The following F5 variants were observed in gnomAD, a reference collection of about 807,000 sequenced individuals.
F5 encodes the protein activated protein c cofactor.
A neutral mutation model predicts 216.4 loss-of-function variants in F5; 138 were observed. The ratio of observed to expected loss-of-function variants is 0.64; its 90% CI spans 0.56 to 0.73. The LOEUF is 0.73. Ranked by LOEUF, F5 falls within the 30% of genes least tolerant of loss-of-function variation. F5 has a pLI of 0.00. For synonymous variants in F5, 916 were observed against 930.7 expected (o/e 0.98, Z 0.29); for missense variants, 2,403 against 2,674.0 (o/e 0.90, Z 2.24).
chr1:169,567,874 A>G (rs1053173927), intron 3 of F5, among the ~76,000 whole-genome samples: 2 of 152,108 alleles, frequency 1.3e-5, no homozygotes, highest in Non-Finnish European at 2.9e-5. Context: ...TAGGGCTACA[A>G]TTAGAACACA....
rs9332670 is a variant in F5, at chr1:169,515,662, T to C, written c.6346-36A>G. The C allele has an allele frequency of 1.9e-6, 3 of 1,605,652 alleles. No individual in the cohort carries two copies. In the African/African-American group the frequency reaches 4.0e-5, roughly 21 times the overall value. On this transcript the variant is annotated intron_variant, in intron 23 of 24. Coordinates refer to ENST00000367797, the MANE Select transcript of F5 (RefSeq NM_000130.5). The stretch of plus-strand genomic sequence containing the variant: ...GACAAAAACACATAGATAAGGAAGA[T>C]GTTAAAACCTTTGCTTTTTTTTTAG...
chr1:169,533,689 A>C (rs931501954), intron 14 of F5, among the ~76,000 whole-genome samples: 1 of 152,196 alleles, frequency 6.6e-6, no homozygotes, highest in Non-Finnish European at 1.5e-5. Context: ...TCAATACCAC[A>C]GTGAAATACC....
intron 3 of F5, among the ~76,000 whole-genome samples, chr1:169,561,327 G>A (rs558702323): frequency 4.6e-5 from 7 of 152,088 alleles, no homozygotes; most frequent in Admixed American, 3.3e-4. Flanking sequence ...ATGCAGGCTG[G>A]TTGTCTGTAT....
Position 169,546,549 on chromosome 1 carries a change from TCAAA to T in F5, c.1651_1654del (p.Phe551MetfsTer22). On this transcript the variant is annotated frameshift_variant, in exon 11 of 25. Transcript: ENST00000367797. LOFTEE classifies it high-confidence loss of function. Reference sequence around the variant, plus strand: ...CTCAAGGTACCAGCTTTTGTTCTCATCAAACACAGCAAACACAGCCTGCTGTTCG... The same window carrying T: ...CTCAAGGTACCAGCTTTTGTTCTCATCACAGCAAACACAGCCTGCTGTTCG... 1 of 1,614,160 alleles carries T rather than the reference TCAAA, an allele frequency of 6.2e-7. No individual in the cohort carries two copies. The highest frequency in any genetic ancestry group is 1.3e-5 in the African/African-American group (1 of 75,048).
intron 10 of F5, among the ~76,000 whole-genome samples, chr1:169,548,051 G>A (rs1232767740): frequency 6.6e-6 from 1 of 152,162 alleles, no homozygotes; most frequent in African/African-American, 2.4e-5. Flanking sequence ...GGACATGGAT[G>A]GAGCTGGAGG....
At chr1:169,547,829 T>C (rs1326895855) in intron 10 of F5, among the ~76,000 whole-genome samples, 1 of 152,064 alleles carries the variant, frequency 6.6e-6, no homozygotes, top group Non-Finnish European at 1.5e-5. Context: ...ACCCAGCAAT[T>C]CCATTACTTG....
rs781197060 is a variant in F5, at chr1:169,540,618, G to C, written c.4472C>G (p.Pro1491Arg). ...SFPYPDLGQM[P>R]SPSSPTLNDT... ...ATTGAGAGTAGGAGATGAAGGAGAT[G>C]GCATCTGACCAAGGTCTGGATAAGG... is the stretch of plus-strand genomic sequence containing the variant. Residue 1491 changes from proline (P) to arginine (R), a missense_variant, in exon 13 of 25, where the codon CCA becomes CGA. Physicochemically the swap from Pro to Arg is moderately radical, Grantham distance 103 (BLOSUM62 -2). This residue lies in a region of F5 where 293 missense variants were observed against 270.8 expected (regional missense o/e 1.08). Transcript: ENST00000367797. 1.2e-6 allele frequency: 2 copies of C among 1,613,880 alleles called. No individual in the cohort carries two copies. The highest frequency in any genetic ancestry group is 2.7e-5 in the African/African-American group (2 of 74,900).
At chr1:169,522,826 A>G (rs1054642950) in intron 21 of F5, among the ~76,000 whole-genome samples, 5 of 152,188 alleles carry the variant, frequency 3.3e-5, no homozygotes, top group African/African-American at 1.2e-4. Context: ...GAACAAAACA[A>G]ACTACAATAG....
chr1:169,570,188 T>C (rs1254378335), intron 3 of F5, among the ~76,000 whole-genome samples: 1 of 152,054 alleles, frequency 6.6e-6, no homozygotes, highest in Non-Finnish European at 1.5e-5. Flanking sequence ...AAGCAATTGC[T>C]CATAAATAAT....
chr1:169,559,019 GAA>G, intron 5 of F5, 132 bp downstream of exon 5: 1 of 862,650 alleles, frequency 1.2e-6, no homozygotes, highest in Non-Finnish European at 1.8e-6. Flanking sequence ...AAAAAAAAGA[GAA>G]AATATTTCCT....
intron 2 of F5, among the ~76,000 whole-genome samples, chr1:169,576,765 G>C (rs537627712): frequency 6.6e-6 from 1 of 152,216 alleles, no homozygotes; most frequent in East Asian, 1.9e-4. Flanking sequence ...AGCCCAACAG[G>C]GTGCTGACTA....
chr1:169,531,050 ACTTAAG>A (rs1659586117), intron 14 of F5, 28 bp from the exon 15 acceptor site: 1 of 1,556,844 alleles, frequency 6.4e-7, no homozygotes, highest in Non-Finnish European at 8.8e-7. Context: ...CCACAAATGT[ACTTAAG>A]CTTAACAAAA....
intron 2 of F5, among the ~76,000 whole-genome samples, chr1:169,576,736 C>A (rs1002132490): frequency 6.6e-6 from 1 of 152,190 alleles, no homozygotes; most frequent in Non-Finnish European, 1.5e-5. Flanking sequence ...ACTATTCCCA[C>A]CTACCCCAGC....
intron 19 of F5, 74 bp from the exon 20 acceptor site, chr1:169,523,978 C>A: frequency 7.8e-7 from 1 of 1,287,740 alleles, no homozygotes; most frequent in South Asian, 1.2e-5. Flanking sequence ...GAGTTTAATC[C>A]AGTGGAAAAC....
At chr1:169,562,894 T>C (rs1443085177) in intron 3 of F5, among the ~76,000 whole-genome samples, 1 of 151,982 alleles carries the variant, frequency 6.6e-6, no homozygotes, top group African/African-American at 2.4e-5. Flanking sequence ...TTTCTCTATA[T>C]TTATCAACTT....
intron 3 of F5, among the ~76,000 whole-genome samples, chr1:169,569,507 A>C (rs1014557493): frequency 3.3e-5 from 5 of 152,088 alleles, no homozygotes; most frequent in African/African-American, 4.8e-5. Flanking sequence ...CTGAACAACA[A>C]ACTTTGCTCA....
In F5 at chr1:169,540,969, T is replaced by C. The variant is rs1258930545; in HGVS notation, c.4121A>G (p.Asn1374Ser). 1 of 1,589,264 alleles carries C rather than the reference T, an allele frequency of 6.3e-7. No homozygotes were observed. Among genetic ancestry groups the C allele is most frequent in the Non-Finnish European group, 8.6e-7 (1 of 1,163,870 alleles). ...TGTCTGACTGAGTTCTGGAGAGAGGTTTGTCTGGCTGAGGTCTAGAGAAAG... is the reference window on the plus strand; with the variant it reads ...TGTCTGACTGAGTTCTGGAGAGAGGCTTGTCTGGCTGAGGTCTAGAGAAAG... ...TTLSLDLSQT[N>S]LSPELSQTNL... The change falls in exon 13 of 25, where the codon AAC becomes AGC. Residue 1374 changes from asparagine (N) to serine (S), a missense_variant. Physicochemically the swap from Asn to Ser is conservative, Grantham distance 46. Around this residue, in one of 4 missense-constraint regions of F5, gnomAD observed 293 missense variants for 270.8 expected, o/e 1.08. Transcript: ENST00000367797.
chr1:169,582,369 T>C (rs1294921424), intron 2 of F5, 62 bp downstream of exon 2: 2 of 925,058 alleles, frequency 2.2e-6, no homozygotes, highest in East Asian at 2.7e-5. Context: ...TAGATGCATG[T>C]GAATGCCAAA....
chr1:169,564,112 A>C (rs562737413), intron 3 of F5, among the ~76,000 whole-genome samples: 2 of 152,178 alleles, frequency 1.3e-5, no homozygotes, highest in South Asian at 4.1e-4. Context: ...AATTCTATCC[A>C]GTGCTCATTT....
Sources: gnomAD v4.1 joint callset for allele counts (sites outside exome capture counted in the v4.1 genomes callset) on GRCh38, gnomAD v4.1.1 for gene constraint, gnomAD v4.1.1 regional missense constraint, MANE v1.5 for transcripts, NCBI Gene and HGNC (gene_info 2026-07-23, HGNC 2026-07-21) for gene names.